The following EPAS1 variants were observed in gnomAD, a reference collection of about 807,000 sequenced individuals.
The protein encoded by EPAS1 is endothelial PAS domain-containing protein 1.
EPAS1 carries 23 observed loss-of-function variants against 87.9 expected under a neutral mutation model. The ratio of observed to expected loss-of-function variants is 0.26; its 90% confidence interval spans 0.19 to 0.37. The LOEUF is 0.37. Ranked by LOEUF, EPAS1 falls within the 10% of genes least tolerant of loss-of-function variation. The pLI is 1.00. For missense variants in EPAS1, 1,138 were observed against 1,120.7 expected (o/e 1.02, Z -0.22); for synonymous variants, 508 against 444.3 (o/e 1.14, Z -1.80).
In EPAS1 at chr2:46,371,133, T is replaced by A. The variant is rs1178137853; in HGVS notation, c.886+1200T>A. ...GTGCAGACAGTGGTGCTGAGAGGAT[T>A]ATGGGAGGATTAAAAACGGGTAAAG... On this transcript the variant is annotated intron_variant, in intron 7 of 15. Coordinates refer to ENST00000263734, the MANE Select transcript of EPAS1 (RefSeq NM_001430.5). This position sits in a 1 kb window ranked among gnomAD's most constrained non-coding sequence, Gnocchi z 4.3. Among the ~76,000 whole-genome samples the A allele has an allele frequency of 6.6e-6, 1 of 152,090 alleles. No individual in the cohort carries two copies. Among genetic ancestry groups the A allele is most frequent in the East Asian group, 1.9e-4 (1 of 5,184 alleles).
intron 1 of EPAS1, among the ~76,000 whole-genome samples, chr2:46,320,042 C>G (rs1179514759): frequency 2.6e-5 from 4 of 152,186 alleles, no homozygotes; most frequent in Middle Eastern, 3.2e-3. Flanking sequence ...GGCAAATGAT[C>G]TATTACAACA....
At position 46,347,093 on chromosome 2, in the gene EPAS1, C is replaced by A; in HGVS notation, c.217+30C>A. On this transcript the variant is annotated intron_variant, in intron 2 of 15. Transcript: ENST00000263734. This position sits in a 1 kb window ranked among gnomAD's most constrained non-coding sequence, Gnocchi z 4.2. ...GGCCAGCAGGCTCCCCTAGGCTGGG[C>A]AGATGCCAGCCTTACCAGCATGTTC... The A allele has an allele frequency of 6.2e-7, 1 of 1,612,330 alleles. No homozygotes were observed. Among genetic ancestry groups the A allele is most frequent in the East Asian group, 2.2e-5 (1 of 44,876 alleles).
At chr2:46,344,878 C>T (rs1324243907) in intron 1 of EPAS1, among the ~76,000 whole-genome samples, 2 of 152,252 alleles carry the variant, frequency 1.3e-5, no homozygotes, top group African/African-American at 4.8e-5. Flanking sequence ...AATCCATCCA[C>T]GGAGCTGGAT....
At chr2:46,370,124 C>G (rs1219439164) in intron 7 of EPAS1, among the ~76,000 whole-genome samples, 191 bp downstream of exon 7, 4 of 152,172 alleles carry the variant, frequency 2.6e-5, no homozygotes, top group Non-Finnish European at 5.9e-5. Flanking sequence ...CTCCTTCGTG[C>G]AAATTAGAAA....
rs1684359597 is a variant in EPAS1, at chr2:46,360,209, C to G, written c.455-429C>G. On this transcript the variant is annotated intron_variant, in intron 4 of 15. Transcript: ENST00000263734. This position sits in a 1 kb window ranked among gnomAD's most constrained non-coding sequence, Gnocchi z 4.5. ...GGAGTGTCGGAGAGACATTTCTAAC[C>G]TGTGAGGAAGGCTTACACCCTTGGA... is the stretch of plus-strand genomic sequence containing the variant. 6.6e-6 allele frequency among the ~76,000 whole-genome samples: 1 copy of G among 152,222 alleles called. No homozygotes were observed. Among genetic ancestry groups the G allele is most frequent in the Non-Finnish European group, 1.5e-5 (1 of 68,042 alleles).
intron 1 of EPAS1, among the ~76,000 whole-genome samples, chr2:46,338,776 G>A (rs1251548406): frequency 6.6e-6 from 1 of 152,190 alleles, no homozygotes; most frequent in African/African-American, 2.4e-5. Context: ...GCTGAGCCTG[G>A]TTCCAAGGCT....
intron 1 of EPAS1, among the ~76,000 whole-genome samples, chr2:46,336,456 G>A (rs1455836920): frequency 6.6e-6 from 1 of 152,152 alleles, no homozygotes; most frequent in Non-Finnish European, 1.5e-5. Flanking sequence ...AGTAGGGCTT[G>A]GGCTGGTCCT....
At chr2:46,324,441 T>A (rs567661513) in intron 1 of EPAS1, among the ~76,000 whole-genome samples, 1 of 152,304 alleles carries the variant, frequency 6.6e-6, no homozygotes, top group African/African-American at 2.4e-5. Context: ...GCCCAATAAA[T>A]ATTTATCATC....
intron 7 of EPAS1, among the ~76,000 whole-genome samples, chr2:46,372,914 G>A (rs1684656327): frequency 6.6e-6 from 1 of 152,246 alleles, no homozygotes; most frequent in Non-Finnish European, 1.5e-5. Context: ...CAGTGGCACA[G>A]ATAAAGGGAG....
chr2:46,367,163 C>T (rs12994142), intron 6 of EPAS1, among the ~76,000 whole-genome samples: 3,411 of 152,286 alleles, frequency 0.022, 72 homozygotes, highest in Non-Finnish European at 0.028. Context: ...CATTGTATGC[C>T]TTTGAATGGA....
intron 4 of EPAS1, among the ~76,000 whole-genome samples, chr2:46,359,171 A>C (rs1179911888): frequency 1.4e-5 from 2 of 146,234 alleles, no homozygotes; most frequent in African/African-American, 5.1e-5. Context: ...AGGCAGGAGA[A>C]TCACTTGAAC....
At chr2:46,365,800 C>T (rs1437935291) in intron 6 of EPAS1, among the ~76,000 whole-genome samples, 1 of 152,264 alleles carries the variant, frequency 6.6e-6, no homozygotes. Flanking sequence ...AGTAAGGAAA[C>T]GCAGTGTCAA....
chr2:46,352,269 C>A (rs530925715), intron 2 of EPAS1, among the ~76,000 whole-genome samples: 1 of 152,182 alleles, frequency 6.6e-6, no homozygotes, highest in African/African-American at 2.4e-5. Flanking sequence ...TGGATTGTGG[C>A]ATCACCTTAC....
chr2:46,339,960 C>G (rs1342550678), intron 1 of EPAS1, among the ~76,000 whole-genome samples: 3 of 152,216 alleles, frequency 2.0e-5, no homozygotes, highest in African/African-American at 7.2e-5. Flanking sequence ...GATACCATCA[C>G]ATTGGGAGTG....
At chr2:46,359,257 C>CAAAAAAAAAAAAAAAAAAAAAAAAAAAAA (rs57351888) in intron 4 of EPAS1, among the ~76,000 whole-genome samples, 1 of 25,092 alleles carries the variant, frequency 4.0e-5, no homozygotes, top group Non-Finnish European at 6.4e-5. Context: ...GATTCTGTCT[C>CAAAAAAAAAAAAAAAAAAAAAAAAAAAAA]AAAAAAAAAA....
At chr2:46,331,853 C>T (rs762502385) in intron 1 of EPAS1, among the ~76,000 whole-genome samples, 4 of 152,206 alleles carry the variant, frequency 2.6e-5, no homozygotes, top group South Asian at 2.1e-4. Flanking sequence ...TCAGACACGG[C>T]GCTGCCTCTG....
rs1682904312 is a variant in EPAS1 at position 46,297,558 on chromosome 2, C to T, written c.-354C>T. ...CTCCTTCCGACTCCCAGCATTCGAG[C>T]CACTTTTTTTTTTCTTTGAAAACTC... On this transcript the variant is annotated 5_prime_UTR_variant, in exon 1 of 16. Transcript: ENST00000263734. 3.0e-6 allele frequency: 1 copy of T among 328,306 alleles called. No homozygotes were observed. Among genetic ancestry groups the T allele is most frequent in the South Asian group, 2.6e-5 (1 of 38,502 alleles). The allele number at this position is 328,306 out of a possible 1,614,324, so 20.3% of individuals were successfully genotyped here.
At chr2:46,332,061 G>A (rs975113602) in intron 1 of EPAS1, among the ~76,000 whole-genome samples, 9 of 152,140 alleles carry the variant, frequency 5.9e-5, no homozygotes, top group African/African-American at 1.9e-4. Flanking sequence ...TGTCACCAGC[G>A]GCCCTGTCTT....
chr2:46,368,620 G>C (rs1302230294), intron 6 of EPAS1, among the ~76,000 whole-genome samples: 1 of 152,158 alleles, frequency 6.6e-6, no homozygotes, highest in Non-Finnish European at 1.5e-5. Flanking sequence ...AGCAGAGACA[G>C]GAAATGAGGA....
Sources: allele counts gnomAD v4.1 joint callset (sites outside exome capture counted in the v4.1 genomes callset), GRCh38; gene constraint gnomAD v4.1.1; non-coding constraint Gnocchi (gnomAD v3.1); transcripts MANE v1.5; gene names NCBI Gene and HGNC (gene_info 2026-07-23, HGNC 2026-07-21).